The following CNTN5 variants were observed in gnomAD, a reference collection of about 807,000 sequenced individuals.
CNTN5 encodes the protein contactin 5.
A neutral mutation model predicts 129.1 loss-of-function variants in CNTN5; 77 were observed. That is an observed-to-expected ratio of 0.60 (90% CI 0.50 to 0.72). The LOEUF (loss-of-function observed/expected upper bound fraction) is 0.72, where lower values mean the gene tolerates loss of function less well. CNTN5 is among the 30% of genes least tolerant of loss of function. The probability of loss-of-function intolerance (pLI) is 0.00; values close to 1 mark genes in which losing one functional copy is unlikely to be tolerated. For synonymous variants in CNTN5, 509 were observed against 465.6 expected (o/e 1.09, Z -1.20); for missense variants, 1,478 against 1,328.8 (o/e 1.11, Z -1.75).
At chr11:99,124,746 G>A (rs895305744) in intron 1 of CNTN5, among the ~76,000 whole-genome samples, 1 of 151,722 alleles carries the variant, frequency 6.6e-6, no homozygotes, top group African/African-American at 2.4e-5. Context: ...AAAGAGGCAT[G>A]TTCCAAATAA....
rs539336210 is a variant in CNTN5, at chr11:99,425,001, A to G, written c.-71+99517A>G. ...GTGTACAACTCTTAGCAGAGAGGAAACCCATAGTGGGTAGCTCCTTTCTAT... is the reference window on the plus strand; with the variant it reads ...GTGTACAACTCTTAGCAGAGAGGAAGCCCATAGTGGGTAGCTCCTTTCTAT... On this transcript the variant is annotated intron_variant, in intron 2 of 24. Transcript: ENST00000524871. Among the ~76,000 whole-genome samples the G allele has an allele frequency of 1.4e-4, 21 of 152,206 alleles. No homozygotes were observed. The South Asian group carries it at 3.5e-3, about 26-fold the overall frequency.
chr11:99,606,358 G>C (rs1316111224), intron 3 of CNTN5, among the ~76,000 whole-genome samples: 1,485 of 134,076 alleles, frequency 0.011, 34 homozygotes, highest in African/African-American at 0.039. Context: ...TTGCTTCAAA[G>C]AGAATAAAAT....
intron 2 of CNTN5, among the ~76,000 whole-genome samples, chr11:99,432,475 C>CTTTTA (rs757657941): frequency 7.3e-6 from 1 of 136,088 alleles, no homozygotes; most frequent in Non-Finnish European, 1.6e-5. Flanking sequence ...CTTTTCTTTT[C>CTTTTA]TTTTCTTTTC....
intron 4 of CNTN5, among the ~76,000 whole-genome samples, chr11:99,820,051 C>G (rs1039314115): frequency 2.0e-5 from 3 of 152,102 alleles, no homozygotes; most frequent in Non-Finnish European, 2.9e-5. Context: ...GATAGAGAAC[C>G]TGTTTCTTGA....
chr11:99,741,836 T>C (rs2135162009), intron 3 of CNTN5, among the ~76,000 whole-genome samples: 1 of 152,304 alleles, frequency 6.6e-6, no homozygotes, highest in South Asian at 2.1e-4. Context: ...CTTGCCGCTA[T>C]GTTTGGTGTT....
At chr11:100,269,237 A>G (rs1202587668) in intron 17 of CNTN5, among the ~76,000 whole-genome samples, 1 of 152,214 alleles carries the variant, frequency 6.6e-6, no homozygotes, top group Non-Finnish European at 1.5e-5. Flanking sequence ...TTAAGGTTTC[A>G]GTAACAGAGA....
At chr11:100,342,795 T>C (rs934842307) in intron 23 of CNTN5, among the ~76,000 whole-genome samples, 21 of 152,184 alleles carry the variant, frequency 1.4e-4, no homozygotes, top group African/African-American at 5.1e-4. Flanking sequence ...TTATCAAATA[T>C]GTATTTTTTT....
At chr11:99,385,425 A>G (rs1046308210) in intron 2 of CNTN5, among the ~76,000 whole-genome samples, 13 of 152,094 alleles carry the variant, frequency 8.5e-5, no homozygotes, top group Non-Finnish European at 1.9e-4. Context: ...AGTGATTTGG[A>G]CTTGAACTGA....
chr11:99,674,809 G>C (rs1242907463), intron 3 of CNTN5, among the ~76,000 whole-genome samples: 2 of 152,102 alleles, frequency 1.3e-5, no homozygotes, highest in African/African-American at 4.8e-5. Flanking sequence ...TGAATTGACA[G>C]CAACCTTAGC....
intron 6 of CNTN5, among the ~76,000 whole-genome samples, chr11:99,862,510 T>C (rs1948238992): frequency 1.3e-5 from 2 of 152,030 alleles, no homozygotes; most frequent in Admixed American, 1.3e-4. Context: ...TACAAAGGAG[T>C]AGAAAAAACA....
chr11:99,852,219 A>G (rs1947895607), intron 6 of CNTN5, among the ~76,000 whole-genome samples: 1 of 152,198 alleles, frequency 6.6e-6, no homozygotes, highest in Admixed American at 6.5e-5. Context: ...TTAAAAGTAT[A>G]ATTACTTTGG....
intron 1 of CNTN5, among the ~76,000 whole-genome samples, chr11:99,053,816 T>C (rs1367425820): frequency 4.6e-5 from 7 of 151,954 alleles, no homozygotes; most frequent in Non-Finnish European, 8.8e-5. Context: ...GTTTTAAGTT[T>C]TGAAATTTTT....
chr11:99,454,029 T>A (rs1944404448), intron 2 of CNTN5, among the ~76,000 whole-genome samples: 1 of 152,154 alleles, frequency 6.6e-6, no homozygotes, highest in Non-Finnish European at 1.5e-5. Flanking sequence ...AAATAAAATA[T>A]GAAATACCCA....
intron 2 of CNTN5, among the ~76,000 whole-genome samples, chr11:99,456,500 A>C (rs544072239): frequency 3.3e-5 from 5 of 152,272 alleles, no homozygotes; most frequent in African/African-American, 1.2e-4. Flanking sequence ...GTGTTATCTA[A>C]ATCAATCTCC....
intron 2 of CNTN5, among the ~76,000 whole-genome samples, chr11:99,357,378 A>G (rs1205968888): frequency 6.6e-6 from 1 of 151,842 alleles, no homozygotes; most frequent in South Asian, 2.1e-4. Flanking sequence ...TTTCTTCATA[A>G]CTGAAATTAA....
intron 1 of CNTN5, among the ~76,000 whole-genome samples, chr11:99,098,228 AC>A (rs772510457): frequency 6.6e-6 from 1 of 152,064 alleles, no homozygotes; most frequent in Non-Finnish European, 1.5e-5. Context: ...TGACTTACTT[AC>A]TGATGAATGT....
intron 13 of CNTN5, among the ~76,000 whole-genome samples, chr11:100,094,757 G>T (rs1184560779): frequency 7.2e-6 from 1 of 139,566 alleles, no homozygotes; most frequent in African/African-American, 2.7e-5. Context: ...AGGAGGGAGG[G>T]AGGGAGGAAA....
At chr11:99,433,867 A>G (rs1943496700) in intron 2 of CNTN5, among the ~76,000 whole-genome samples, 1 of 152,180 alleles carries the variant, frequency 6.6e-6, no homozygotes, top group Non-Finnish European at 1.5e-5. Context: ...ACGTTTGATG[A>G]CACAGGGATA....
intron 6 of CNTN5, among the ~76,000 whole-genome samples, chr11:99,847,586 GAAGACCA>G (rs1405193595): frequency 6.6e-6 from 1 of 152,118 alleles, no homozygotes; most frequent in Non-Finnish European, 1.5e-5. Context: ...GTTACCCAGG[GAAGACCA>G]ATTCTGCCTC....
Sources: gnomAD v4.1 joint callset for allele counts (sites outside exome capture counted in the v4.1 genomes callset) on GRCh38, gnomAD v4.1.1 for gene constraint, MANE v1.5 for transcripts, NCBI Gene and HGNC (gene_info 2026-07-23, HGNC 2026-07-21) for gene names.